ZNF292: variants seen among roughly 807,000 people sequenced by gnomAD.
The protein encoded by ZNF292 is 16 zinc-finger domain protein.
A neutral mutation model predicts 217.9 loss-of-function variants in ZNF292; 26 were observed. The ratio of observed to expected loss-of-function variants is 0.12; its 90% CI spans 0.09 to 0.17. ZNF292 has a LOEUF of 0.17. Among genes scored for constraint, ZNF292 ranks in the 10% least tolerant of loss-of-function variants. The pLI, the probability that ZNF292 is intolerant of heterozygous loss-of-function variation, is 1.00. For missense variants in ZNF292, 2,904 were observed against 3,175.2 expected, an observed-to-expected ratio of 0.91 and a Z score of 2.05; for synonymous variants, 1,257 against 1,124.1, an observed-to-expected ratio of 1.12 and a Z score of -2.37.
At chr6:87,187,894 C>G (rs1282029924) in intron 1 of ZNF292, among the ~76,000 whole-genome samples, 3 of 152,034 alleles carry the variant, frequency 2.0e-5, no homozygotes, top group Middle Eastern at 3.2e-3. Context: ...CAGTGGGGAA[C>G]AAGAGAGCTC....
In ZNF292 at chr6:87,233,451, G is replaced by A; in HGVS notation, c.665G>A (p.Gly222Asp). ...AKLCSDHPEI[G>D]IKGSFKQTYL... ...CTGTGTTCTGACCATCCAGAGATTGGCATAAAAGGTAGTTTTAAGCAAACT... is the reference window on the plus strand; with the variant it reads ...CTGTGTTCTGACCATCCAGAGATTGACATAAAAGGTAGTTTTAAGCAAACT... The change falls in exon 5 of 8, where the codon GGC becomes GAC. Residue 222 changes from glycine to aspartate, a missense_variant. Coordinates refer to ENST00000369577, the MANE Select transcript of ZNF292 (RefSeq NM_015021.3). The A allele has an allele frequency of 1.2e-6, 2 of 1,613,520 alleles. No homozygotes were observed. The highest frequency in any genetic ancestry group is 1.1e-5 in the South Asian group (1 of 91,032).
At chr6:87,243,015 G>A (rs1179735566) in intron 5 of ZNF292, among the ~76,000 whole-genome samples, 1 of 152,024 alleles carries the variant, frequency 6.6e-6, no homozygotes, top group East Asian at 1.9e-4. Flanking sequence ...GAATAGATAC[G>A]TAGTTTATTA....
intron 1 of ZNF292, among the ~76,000 whole-genome samples, chr6:87,202,830 C>T (rs1381329761): frequency 2.6e-5 from 4 of 150,952 alleles, no homozygotes; most frequent in Non-Finnish European, 5.9e-5. Flanking sequence ...GAGAAAGAGA[C>T]CACATTCACA....
At chr6:87,214,423 AG>A (rs1280945557) in intron 1 of ZNF292, among the ~76,000 whole-genome samples, 1 of 152,082 alleles carries the variant, frequency 6.6e-6, no homozygotes, top group Non-Finnish European at 1.5e-5. Context: ...TGTACCATGA[AG>A]GTTTGGGATA....
intron 1 of ZNF292, among the ~76,000 whole-genome samples, chr6:87,205,342 G>A (rs899688454): frequency 6.6e-6 from 1 of 152,050 alleles, no homozygotes; most frequent in African/African-American, 2.4e-5. Flanking sequence ...CCCAAGTGCT[G>A]GTATTACAGA....
chr6:87,256,024 C>G lies in ZNF292; in HGVS notation c.2395C>G (p.His799Asp). Residue 799 changes from histidine to aspartate, a missense_variant, in exon 8 of 8, where the codon CAT becomes GAT. Physicochemically the swap from His to Asp is moderately conservative, Grantham distance 81. Coordinates refer to ENST00000369577, the MANE Select transcript of ZNF292 (RefSeq NM_015021.3). ...IFSEAYLLYD[H>D]EAQHYNTYTC... is the part of the protein sequence containing the mutation. ...TTCGGAAGCTTATTTACTATATGAT[C>G]ATGAAGCACAACATTATAATACGTA... 6.2e-7 allele frequency: 1 copy of G among 1,607,224 alleles called. No homozygotes were observed. The highest frequency in any genetic ancestry group is 8.5e-7 in the Non-Finnish European group (1 of 1,176,210).
intron 4 of ZNF292, among the ~76,000 whole-genome samples, chr6:87,232,037 A>G (rs1773682029): frequency 6.6e-6 from 1 of 152,202 alleles, no homozygotes. Flanking sequence ...TCTCATAAAG[A>G]CATGTAGTCA....
At chr6:87,197,605 C>A (rs1023607029) in intron 1 of ZNF292, among the ~76,000 whole-genome samples, 1 of 149,878 alleles carries the variant, frequency 6.7e-6, no homozygotes, top group Admixed American at 6.7e-5. Flanking sequence ...AGCCTGGTGG[C>A]AGATGCCTGT....
intron 1 of ZNF292, among the ~76,000 whole-genome samples, chr6:87,196,326 A>G (rs574073502): frequency 9.9e-5 from 15 of 152,196 alleles, no homozygotes; most frequent in South Asian, 2.1e-4. Flanking sequence ...CCAGTTTCCA[A>G]TTCCACTTTC....
intron 1 of ZNF292, among the ~76,000 whole-genome samples, chr6:87,165,642 G>A (rs1770888234): frequency 6.6e-6 from 1 of 151,960 alleles, no homozygotes; most frequent in Non-Finnish European, 1.5e-5. Context: ...ATTCAATTCA[G>A]TAGTAAGTAA....
chr6:87,258,693 G>T lies in ZNF292; in HGVS notation c.5064G>T (p.Gln1688His), dbSNP rs748201198. 2 of 1,613,324 alleles carry T rather than the reference G, an allele frequency of 1.2e-6. No homozygotes were observed. Among genetic ancestry groups the T allele is most frequent in the Non-Finnish European group, 1.7e-6 (2 of 1,179,638 alleles). The change falls in exon 8 of 8, where the codon CAG (glutamine) becomes CAT (histidine). Residue 1688 changes from glutamine to histidine, a missense_variant. By Grantham distance (24) the Gln-to-His change is conservative (BLOSUM62 0). Around this residue, in one of 15 missense-constraint regions of ZNF292, gnomAD observed 622 missense variants for 573.1 expected, o/e 1.09. Coordinates refer to ENST00000369577, the MANE Select transcript of ZNF292 (RefSeq NM_015021.3). ...EPQSLVENLTQKLNNVNNQLF... is the reference protein window; with the variant it reads ...EPQSLVENLTHKLNNVNNQLF... ...AGAGTTTGGTGGAAAATCTAACACAGAAATTAAATAATGTTAACAATCAGT... is the reference window on the plus strand; with the variant it reads ...AGAGTTTGGTGGAAAATCTAACACATAAATTAAATAATGTTAACAATCAGT...
chr6:87,259,822 G>C lies in ZNF292; in HGVS notation c.6193G>C (p.Glu2065Gln). 1.9e-6 allele frequency: 3 copies of C among 1,611,874 alleles called. No homozygotes were observed. The highest frequency in any genetic ancestry group is 2.5e-6 in the Non-Finnish European group (3 of 1,178,926). Reference sequence around the variant, plus strand: ...TTTACAAGTGATTACAGTTACTTCAGAACAATGTAATACAAATGCACTCAC... The same window carrying C: ...TTTACAAGTGATTACAGTTACTTCACAACAATGTAATACAAATGCACTCAC... Reference protein sequence around the residue: ...SSLQVITVTSEQCNTNALTNT... With the variant: ...SSLQVITVTSQQCNTNALTNT... Residue 2065 changes from glutamate to glutamine, a missense_variant, in exon 8 of 8, where the codon GAA becomes CAA. By Grantham distance (29) the Glu-to-Gln change is conservative. Around this residue, in one of 15 missense-constraint regions of ZNF292, gnomAD observed 261 missense variants for 272.8 expected, o/e 0.96. Coordinates refer to ENST00000369577, the MANE Select transcript of ZNF292 (RefSeq NM_015021.3).
chr6:87,172,901 C>CAA (rs200508862), intron 1 of ZNF292, among the ~76,000 whole-genome samples: 13 of 125,430 alleles, frequency 1.0e-4, no homozygotes, highest in South Asian at 5.1e-4. Context: ...GACTCTGTCT[C>CAA]AAAAAAAAAA....
chr6:87,227,039 A>G (rs1773392819), intron 4 of ZNF292, among the ~76,000 whole-genome samples: 1 of 152,180 alleles, frequency 6.6e-6, no homozygotes, highest in South Asian at 2.1e-4. Context: ...GTTAAATCTA[A>G]TACTCATAAT....
chr6:87,250,975 A>G (rs1774890444), intron 7 of ZNF292, among the ~76,000 whole-genome samples: 1 of 152,218 alleles, frequency 6.6e-6, no homozygotes, highest in Non-Finnish European at 1.5e-5. Flanking sequence ...AGTGCCTGGT[A>G]TAAAGTAGGT....
chr6:87,213,210 A>T (rs1772578468), intron 1 of ZNF292, among the ~76,000 whole-genome samples: 1 of 152,234 alleles, frequency 6.6e-6, no homozygotes, highest in Non-Finnish European at 1.5e-5. Context: ...GTGTGTTGAC[A>T]GACTTCCGTC....
intron 4 of ZNF292, among the ~76,000 whole-genome samples, chr6:87,222,057 A>G (rs1773110969): frequency 6.6e-6 from 1 of 152,156 alleles, no homozygotes; most frequent in Admixed American, 6.5e-5. Flanking sequence ...TTGGTGTACA[A>G]GTGTATTACC....
At chr6:87,212,407 G>A (rs560465427) in intron 1 of ZNF292, among the ~76,000 whole-genome samples, 1 of 152,144 alleles carries the variant, frequency 6.6e-6, no homozygotes, top group Non-Finnish European at 1.5e-5. Context: ...AGACTGGGGG[G>A]TGGGGCTACA....
chr6:87,198,936 C>T (rs1169705697), intron 1 of ZNF292, among the ~76,000 whole-genome samples: 1 of 152,170 alleles, frequency 6.6e-6, no homozygotes. Context: ...TGGCTTGTTC[C>T]TAGTTTTAGG....
Sources: gnomAD v4.1 joint callset for allele counts (sites outside exome capture counted in the v4.1 genomes callset) on GRCh38, gnomAD v4.1.1 for gene constraint, gnomAD v4.1.1 regional missense constraint, MANE v1.5 for transcripts, NCBI Gene and HGNC (gene_info 2026-07-23, HGNC 2026-07-21) for gene names.